The following PLXNA2 variants were observed in gnomAD, a reference collection of about 807,000 sequenced individuals.
PLXNA2 encodes plexin-A2.
PLXNA2 carries 91 observed loss-of-function variants against 193.5 expected under a neutral mutation model. The observed-to-expected ratio is 0.47, with a 90% CI of 0.40 to 0.56. The LOEUF is 0.56. Ranked by LOEUF, PLXNA2 falls within the 20% of genes least tolerant of loss-of-function variation. The probability of loss-of-function intolerance (pLI) is 0.00; values close to 1 mark genes in which losing one functional copy is unlikely to be tolerated. For synonymous variants in PLXNA2, 997 were observed against 1,027.3 expected, an observed-to-expected ratio of 0.97 and a Z score of 0.56; for missense variants, 1,995 against 2,503.2, an observed-to-expected ratio of 0.80 and a Z score of 4.33.
intron 4 of PLXNA2, among the ~76,000 whole-genome samples, chr1:208,110,334 A>G (rs1667424525): frequency 6.6e-6 from 1 of 152,144 alleles, no homozygotes; most frequent in Admixed American, 6.5e-5. Context: ...CTTAATCTCA[A>G]TCTCCCCTGC....
chr1:208,051,002 T>C lies in PLXNA2; in HGVS notation c.3255+7A>G. The C allele has an allele frequency of 6.2e-7, 1 of 1,600,986 alleles. No individual in the cohort carries two copies. The highest frequency in any genetic ancestry group is 8.6e-7 in the Non-Finnish European group (1 of 1,168,070). On this transcript the variant is annotated splice_region_variant and intron_variant, in intron 17 of 31. Transcript: ENST00000367033. ...CCAAAGGCTGGGGCAGACCAACAGT[T>C]ACTCACATTGACAGATTCTTTGCCA...
intron 12 of PLXNA2, among the ~76,000 whole-genome samples, chr1:208,061,878 C>T (rs1274853264): frequency 2.6e-5 from 4 of 152,106 alleles, no homozygotes; most frequent in African/African-American, 9.7e-5. Context: ...AGCAGAGGAA[C>T]ACAGAATTTC....
intron 3 of PLXNA2, among the ~76,000 whole-genome samples, chr1:208,174,362 G>T (rs941445049): frequency 6.6e-6 from 1 of 151,686 alleles, no homozygotes; most frequent in East Asian, 1.9e-4. Context: ...AGGCGCCTGG[G>T]GGAGGGAAGG....
At chr1:208,218,746 C>T (rs1671227137) in intron 1 of PLXNA2, among the ~76,000 whole-genome samples, 1 of 152,174 alleles carries the variant, frequency 6.6e-6, no homozygotes, top group African/African-American at 2.4e-5. Context: ...CCGGAAAAGC[C>T]CTCGGGAGAC....
chr1:208,052,523 G>A, intron 14 of PLXNA2, 60 bp from the exon 15 acceptor site: 1 of 1,542,164 alleles, frequency 6.5e-7, no homozygotes. Context: ...GATGGACCAT[G>A]GTTAGATCTA....
chr1:208,161,984 G>C (rs1176575539), intron 3 of PLXNA2, among the ~76,000 whole-genome samples: 1 of 152,230 alleles, frequency 6.6e-6, no homozygotes, highest in Non-Finnish European at 1.5e-5. Flanking sequence ...GGGAGGAGAG[G>C]GGGAGCAGGA....
At chr1:208,153,535 CT>C (rs1478835379) in intron 3 of PLXNA2, among the ~76,000 whole-genome samples, 1 of 152,216 alleles carries the variant, frequency 6.6e-6, no homozygotes, top group Non-Finnish European at 1.5e-5. Flanking sequence ...TCGAAATGAT[CT>C]TTTCTGGCTC....
intron 3 of PLXNA2, among the ~76,000 whole-genome samples, chr1:208,205,931 A>G (rs1339282930): frequency 6.6e-6 from 1 of 152,190 alleles, no homozygotes; most frequent in Non-Finnish European, 1.5e-5. Context: ...AGGTAATCAC[A>G]TTTCAAGTCC....
intron 1 of PLXNA2, among the ~76,000 whole-genome samples, chr1:208,219,705 G>T (rs1000342623): frequency 6.6e-5 from 10 of 152,164 alleles, no homozygotes; most frequent in African/African-American, 2.4e-4. Flanking sequence ...AGCCACCGTG[G>T]TGCCACAGTA....
At position 208,218,952 on chromosome 1, in the gene PLXNA2, A is replaced by T. The variant is rs572182864; in HGVS notation, c.-80-950T>A. On this transcript the variant is annotated intron_variant, in intron 1 of 31. Coordinates refer to ENST00000367033, the MANE Select transcript of PLXNA2 (RefSeq NM_025179.4). ...GAGTCCAGCTTCAGCCACCTGGGGC[A>T]GGGGTACCAGATTTGGGAGAATGTG... 7.6e-4 allele frequency among the ~76,000 whole-genome samples: 116 copies of T among 152,322 alleles called. 3 individuals are homozygous for T. The South Asian group carries it at 0.023, about 31-fold the overall frequency.
chr1:208,211,050 G>C (rs767131585), intron 2 of PLXNA2, among the ~76,000 whole-genome samples: 9 of 152,238 alleles, frequency 5.9e-5, no homozygotes, highest in Non-Finnish European at 1.3e-4. Flanking sequence ...ACTGGAAAGA[G>C]ATCAGAAGTG....
At position 208,092,920 on chromosome 1, in the gene PLXNA2, G is replaced by A. The variant is rs1425929708; in HGVS notation, c.1983-20C>T. On this transcript the variant is annotated intron_variant, in intron 8 of 31. Transcript: ENST00000367033. ...AGGCACCTGCAAGGACAGAGATGGT[G>A]AGAGGCAAAGAGAAGAGAACAAAGA... 3 of 1,530,200 alleles carry A rather than the reference G, an allele frequency of 2.0e-6. No individual in the cohort carries two copies. The Admixed American group carries it at 5.0e-5, about 26-fold the overall frequency. 94.8% of individuals were successfully genotyped at this position (1,530,200 alleles called of 1,614,324 possible).
rs118086390 is a variant in PLXNA2, at chr1:208,136,370, G to A, written c.1506+5959C>T. Reference sequence around the variant, plus strand: ...AACTACTAGTACATCTAGGACATTCGGAACTGGGGTCTGAATGTTCACTAC... The same window carrying A: ...AACTACTAGTACATCTAGGACATTCAGAACTGGGGTCTGAATGTTCACTAC... On this transcript the variant is annotated intron_variant, in intron 4 of 31. Transcript: ENST00000367033. Among the ~76,000 whole-genome samples, 63 of 152,296 alleles carry A rather than the reference G, an allele frequency of 4.1e-4. 1 individual carries two copies. Among genetic ancestry groups the A allele is most frequent in the East Asian group, 1.9e-4 (1 of 5,192 alleles).
intron 1 of PLXNA2, among the ~76,000 whole-genome samples, chr1:208,228,220 C>A (rs1671571712): frequency 6.6e-6 from 1 of 152,184 alleles, no homozygotes; most frequent in Non-Finnish European, 1.5e-5. Flanking sequence ...CATGGCTGGC[C>A]ACTGAAGTGC....
chr1:208,084,640 G>A (rs1055288577), intron 9 of PLXNA2, 60 bp from the exon 10 acceptor site: 1 of 1,495,762 alleles, frequency 6.7e-7, no homozygotes, highest in African/African-American at 1.4e-5. Flanking sequence ...TATGTGCCTG[G>A]GACAGGCAGG....
intron 4 of PLXNA2, among the ~76,000 whole-genome samples, chr1:208,139,017 A>G (rs1385725520): frequency 6.6e-6 from 1 of 152,266 alleles, no homozygotes; most frequent in African/African-American, 2.4e-5. Flanking sequence ...ACAGGGCAAT[A>G]GTGAGACTCT....
Position 208,051,391 on chromosome 1 carries a change from GGT to G in PLXNA2, c.3024_3025del (p.Pro1010IlefsTer21), listed in dbSNP as rs781318657. 6.2e-7 allele frequency: 1 copy of G among 1,612,192 alleles called. No homozygotes were observed. On this transcript the variant is annotated frameshift_variant, in exon 16 of 32. Transcript: ENST00000367033. LOFTEE classifies it high-confidence loss of function. ...CGGGCCAAGGCCATTGGATGATGGG[GGT>G]GAGACACACACGATCTCACTCATTG...
At chr1:208,040,164 A>G in intron 22 of PLXNA2, 106 bp from the exon 23 acceptor site, 1 of 891,134 alleles carries the variant, frequency 1.1e-6, no homozygotes, top group Non-Finnish European at 1.8e-6. Flanking sequence ...AGCATGGGAG[A>G]ACGCAGGGCG....
chr1:208,235,950 G>A (rs936392938), intron 1 of PLXNA2, among the ~76,000 whole-genome samples: 1 of 152,156 alleles, frequency 6.6e-6, no homozygotes, highest in African/African-American at 2.4e-5. Flanking sequence ...AGAAAACCTC[G>A]TAGCCTGGGT....
Sources: allele counts gnomAD v4.1 joint callset (sites outside exome capture counted in the v4.1 genomes callset), GRCh38; gene constraint gnomAD v4.1.1; transcripts MANE v1.5; gene names NCBI Gene and HGNC (gene_info 2026-07-23, HGNC 2026-07-21).